CNTN5: variants seen among roughly 807,000 people sequenced by gnomAD.
The protein encoded by CNTN5 is contactin-5.
A neutral mutation model predicts 129.1 loss-of-function variants in CNTN5; 77 were observed. The ratio of observed to expected loss-of-function variants is 0.60; its 90% confidence interval spans 0.50 to 0.72. The LOEUF (loss-of-function observed/expected upper bound fraction) is 0.72, where lower values mean the gene tolerates loss of function less well. CNTN5 is among the 30% of genes least tolerant of loss of function. CNTN5 has a pLI of 0.00. For missense variants in CNTN5, 1,478 were observed against 1,328.8 expected (o/e 1.11, Z -1.75); for synonymous variants, 509 against 465.6 (o/e 1.09, Z -1.20).
intron 2 of CNTN5, among the ~76,000 whole-genome samples, chr11:99,345,482 A>G (rs1404373861): frequency 6.6e-6 from 1 of 152,184 alleles, no homozygotes; most frequent in Non-Finnish European, 1.5e-5. Context: ...TGGTGGATTG[A>G]AACATTTTTC....
At chr11:99,173,124 C>T (rs1857612030) in intron 1 of CNTN5, among the ~76,000 whole-genome samples, 1 of 152,088 alleles carries the variant, frequency 6.6e-6, no homozygotes, top group African/African-American at 2.4e-5. Context: ...AGAGCCATCC[C>T]TATAATTTAA....
intron 3 of CNTN5, among the ~76,000 whole-genome samples, chr11:99,818,943 C>A (rs1402806207): frequency 1.3e-5 from 2 of 151,960 alleles, no homozygotes; most frequent in Admixed American, 1.3e-4. Flanking sequence ...AATTTGACTA[C>A]TTTTCAAGAA....
At chr11:100,308,658 T>C in intron 21 of CNTN5, 190 bp downstream of exon 21, 3 of 1,281,974 alleles carry the variant, frequency 2.3e-6, no homozygotes, top group Non-Finnish European at 3.0e-6. Flanking sequence ...TATTTTTCAG[T>C]ACAGTAGCTT....
chr11:100,157,845 TAAATAAAA>T (rs1565297860), intron 13 of CNTN5, among the ~76,000 whole-genome samples: 1 of 151,540 alleles, frequency 6.6e-6, no homozygotes, highest in Non-Finnish European at 1.5e-5. Context: ...TCTATATAGA[TAAATAAAA>T]AAAGCATGTG....
chr11:100,148,820 G>A (rs556988773), intron 13 of CNTN5, among the ~76,000 whole-genome samples: 25 of 151,240 alleles, frequency 1.7e-4, no homozygotes, highest in African/African-American at 2.4e-4. Context: ...CTTATCTTGC[G>A]GTGTAAATAT....
At chr11:100,206,634 A>G (rs1948918018) in intron 15 of CNTN5, among the ~76,000 whole-genome samples, 1 of 152,108 alleles carries the variant, frequency 6.6e-6, no homozygotes, top group South Asian at 2.1e-4. Flanking sequence ...AGGGTCATTG[A>G]GATAATTCCC....
intron 13 of CNTN5, among the ~76,000 whole-genome samples, chr11:100,094,639 T>C (rs1410471630): frequency 6.6e-6 from 1 of 151,190 alleles, no homozygotes; most frequent in African/African-American, 2.4e-5. Flanking sequence ...TAAAGAGAGA[T>C]GGGTTTGTGG....
chr11:99,200,543 G>A (rs1859117886), intron 1 of CNTN5, among the ~76,000 whole-genome samples: 1 of 152,142 alleles, frequency 6.6e-6, no homozygotes, highest in Non-Finnish European at 1.5e-5. Flanking sequence ...AATTATTACT[G>A]TGGCTGCACG....
chr11:99,622,979 A>T (rs981157322), intron 3 of CNTN5, among the ~76,000 whole-genome samples: 1 of 152,184 alleles, frequency 6.6e-6, no homozygotes, highest in East Asian at 1.9e-4. Flanking sequence ...AATTAGAATG[A>T]CTCTACATTC....
chr11:99,853,435 T>C (rs1227540100), intron 6 of CNTN5, among the ~76,000 whole-genome samples: 2 of 151,984 alleles, frequency 1.3e-5, no homozygotes, highest in Non-Finnish European at 2.9e-5. Flanking sequence ...GTTTTACTCT[T>C]GTTACCGAGG....
intron 1 of CNTN5, among the ~76,000 whole-genome samples, chr11:99,298,712 T>G (rs1864493481): frequency 6.6e-6 from 1 of 152,124 alleles, no homozygotes; most frequent in Admixed American, 6.5e-5. Flanking sequence ...TTCCCCTTGA[T>G]TAAAAACTGC....
At chr11:99,119,913 A>G (rs949117421) in intron 1 of CNTN5, among the ~76,000 whole-genome samples, 4 of 152,052 alleles carry the variant, frequency 2.6e-5, no homozygotes, top group African/African-American at 9.7e-5. Context: ...TTTTGGTCAC[A>G]TGTATGTCTT....
intron 6 of CNTN5, among the ~76,000 whole-genome samples, chr11:99,876,591 A>G (rs372253397): frequency 6.6e-6 from 1 of 152,142 alleles, no homozygotes; most frequent in Non-Finnish European, 1.5e-5. Flanking sequence ...GAGGCATTCA[A>G]GTTTCTTGGT....
At chr11:99,111,896 C>T (rs1016131800) in intron 1 of CNTN5, among the ~76,000 whole-genome samples, 1 of 151,996 alleles carries the variant, frequency 6.6e-6, no homozygotes, top group Non-Finnish European at 1.5e-5. Context: ...CTCTACTAGA[C>T]AATCATGTTC....
chr11:100,243,397 G>T (rs1276257617), intron 16 of CNTN5, among the ~76,000 whole-genome samples: 1 of 152,128 alleles, frequency 6.6e-6, no homozygotes. Flanking sequence ...AGCTACAGTG[G>T]CCCTAACTTG....
At chr11:99,564,596 A>G (rs1054988101) in intron 3 of CNTN5, among the ~76,000 whole-genome samples, 30 of 152,212 alleles carry the variant, frequency 2.0e-4, no homozygotes, top group African/African-American at 7.0e-4. Context: ...AATCTAAGCT[A>G]TTATCAAAGA....
intron 3 of CNTN5, among the ~76,000 whole-genome samples, chr11:99,695,284 C>T (rs993844915): frequency 6.6e-6 from 1 of 151,906 alleles, no homozygotes; most frequent in Non-Finnish European, 1.5e-5. Context: ...ATATTCATTT[C>T]TAGATACAGG....
At chr11:99,653,498 A>G (rs1379151530) in intron 3 of CNTN5, among the ~76,000 whole-genome samples, 1 of 152,058 alleles carries the variant, frequency 6.6e-6, no homozygotes, top group Non-Finnish European at 1.5e-5. Context: ...AAGAATTACC[A>G]TATTTAAAGA....
intron 2 of CNTN5, among the ~76,000 whole-genome samples, chr11:99,480,119 A>ATGAT (rs1354319543): frequency 6.6e-6 from 1 of 152,208 alleles, no homozygotes; most frequent in Non-Finnish European, 1.5e-5. Context: ...GTAAGTAAGC[A>ATGAT]TGATTTTTTC....
Sources: gnomAD v4.1 joint callset for allele counts (sites outside exome capture counted in the v4.1 genomes callset) on GRCh38, gnomAD v4.1.1 for gene constraint, MANE v1.5 for transcripts, NCBI Gene and HGNC (gene_info 2026-07-23, HGNC 2026-07-21) for gene names.